ATP11C: variants seen among roughly 807,000 people sequenced by gnomAD.
ATP11C encodes the protein phospholipid-transporting ATPase IG.
Under a neutral mutation model 97.4 loss-of-function variants are expected in ATP11C, and 36 were observed. The ratio of observed to expected loss-of-function variants is 0.37; its 90% CI spans 0.28 to 0.49. The LOEUF is 0.49. ATP11C is among the 20% of genes least tolerant of loss of function. The pLI is 0.98. For synonymous variants in ATP11C, 275 were observed against 290.9 expected (o/e 0.95, Z 0.56); for missense variants, 730 against 824.6 (o/e 0.89, Z 1.40).
chrX:139,855,127 A>C (rs1427399316), intron 1 of ATP11C, among the ~76,000 whole-genome samples: 1 of 111,999 alleles, frequency 8.9e-6, no homozygotes, highest in African/African-American at 3.2e-5. Context: ...GTATAAAAAT[A>C]ATACAGGAAG....
chrX:139,915,414 A>T (rs1256339975), intron 1 of ATP11C, among the ~76,000 whole-genome samples: 1 of 111,911 alleles, frequency 8.9e-6, no homozygotes, highest in Admixed American at 9.5e-5. Flanking sequence ...TCACACCTAT[A>T]ATCTCAGCAC....
rs1365714631 is a variant in ATP11C at position 139,728,115 on chromosome X, A to G, written c.*851T>C. On this transcript the variant is annotated 3_prime_UTR_variant, in exon 30 of 30. Transcript: ENST00000682941. The stretch of plus-strand genomic sequence containing the variant: ...TTTATTTTTATATAACTATGGTTTA[A>G]ACCACCTTACTGCAGATCCCAGTAA... 2 of 112,248 alleles carry G rather than the reference A, an allele frequency of 1.8e-5. No homozygotes were observed. Among genetic ancestry groups the G allele is most frequent in the East Asian group, 5.6e-4 (2 of 3,589 alleles). 9.3% of individuals were successfully genotyped at this position (112,248 alleles called of 1,213,427 possible).
At position 139,796,308 on chromosome X, in the gene ATP11C, C is replaced by T; in HGVS notation, c.1171G>A (p.Val391Ile). 1 of 1,206,981 alleles carries T rather than the reference C, an allele frequency of 8.3e-7. No homozygotes were observed. Among genetic ancestry groups the T allele is most frequent in the South Asian group, 1.8e-5 (1 of 55,794 alleles). ...TCTTCATTAAGGTCTGATGTGTTAA[C>T]CAGGGCTCCTTCATTAATTTCTTCA... The part of the protein sequence containing the change: ...YDEEINEGAL[V>I]NTSDLNEELG... Residue 391 changes from valine to isoleucine, a missense_variant, in exon 12 of 30, where the codon GTT becomes ATT. Coordinates refer to ENST00000682941, the MANE Select transcript of ATP11C (RefSeq NM_001353812.2).
At chrX:139,796,187 TG>T in intron 12 of ATP11C, 85 bp downstream of exon 12, 1 of 682,033 alleles carries the variant, frequency 1.5e-6, no homozygotes, top group Non-Finnish European at 2.0e-6. Context: ...AAATGTGACA[TG>T]GTCACATATA....
intron 10 of ATP11C, 74 bp downstream of exon 10, chrX:139,798,199 C>T (rs2082842444): frequency 2.2e-6 from 2 of 905,731 alleles, no homozygotes; most frequent in Admixed American, 2.9e-5. Context: ...TTTTGTTATG[C>T]TTGTTACTTG....
At chrX:139,916,454 G>T (rs952390615) in intron 1 of ATP11C, among the ~76,000 whole-genome samples, 2 of 111,252 alleles carry the variant, frequency 1.8e-5, no homozygotes, top group East Asian at 5.6e-4. Context: ...ATACTATATA[G>T]AGGAAATCTA....
chrX:139,888,813 T>A (rs1225823506), intron 1 of ATP11C, among the ~76,000 whole-genome samples: 19 of 102,545 alleles, frequency 1.9e-4, no homozygotes, highest in East Asian at 6.0e-4. Context: ...CTGAACACAG[T>A]TTTTTTTTTT....
intron 1 of ATP11C, among the ~76,000 whole-genome samples, chrX:139,866,474 T>C (rs1456472958): frequency 9.2e-6 from 1 of 108,551 alleles, no homozygotes; most frequent in Non-Finnish European, 1.9e-5. Flanking sequence ...TCCCAGCACA[T>C]TGGGAAGCCA....
At chrX:139,924,242 C>T (rs777308281) in intron 1 of ATP11C, 4 of 380,532 alleles carry the variant, frequency 1.1e-5, no homozygotes, top group African/African-American at 2.6e-5. Flanking sequence ...AATTTACCAC[C>T]GGCAGGCTGC....
At chrX:139,733,451 CATTT>C (rs2081385873) in intron 28 of ATP11C, among the ~76,000 whole-genome samples, 1 of 112,070 alleles carries the variant, frequency 8.9e-6, no homozygotes, top group African/African-American at 3.2e-5. Flanking sequence ...GCTAAAGTAA[CATTT>C]GTTTCCAGAA....
chrX:139,851,602 A>G (rs924325928), intron 1 of ATP11C, among the ~76,000 whole-genome samples: 5 of 111,543 alleles, frequency 4.5e-5, no homozygotes, highest in African/African-American at 1.6e-4. Context: ...CCTAGTTTAC[A>G]GCATCAGCCT....
In ATP11C at chrX:139,743,596, A is replaced by G; in HGVS notation, c.2993T>C (p.Ile998Thr). 8.5e-7 allele frequency: 1 copy of G among 1,174,113 alleles called. No homozygotes were observed. Among genetic ancestry groups the G allele is most frequent in the Admixed American group, 2.2e-5 (1 of 44,568 alleles). The change falls in exon 26 of 30, where the codon ATT becomes ACT. Residue 998 changes from isoleucine (I) to threonine (T), a missense_variant. Ile to Thr is a moderately conservative substitution (Grantham distance 89, BLOSUM62 -1). Coordinates refer to ENST00000682941, the MANE Select transcript of ATP11C (RefSeq NM_001353812.2). ...KVYGNWTFGT[I>T]VFTVLVFTVT... Reference sequence around the variant, plus strand: ...AGTGAATACTAAGACTGTAAAAACAATGGTTCCAAAAGTCCAGTTTCCGTA... The same window carrying G: ...AGTGAATACTAAGACTGTAAAAACAGTGGTTCCAAAAGTCCAGTTTCCGTA...
chrX:139,804,316 A>G (rs2082995875), intron 6 of ATP11C, among the ~76,000 whole-genome samples, 155 bp downstream of exon 6: 1 of 111,724 alleles, frequency 9.0e-6, no homozygotes, highest in African/African-American at 3.3e-5. Flanking sequence ...TTTGCTTAGA[A>G]GTTAAAAAAC....
At chrX:139,744,782 C>A (rs2081644651) in intron 25 of ATP11C, among the ~76,000 whole-genome samples, 1 of 111,743 alleles carries the variant, frequency 8.9e-6, no homozygotes, top group Admixed American at 9.5e-5. Context: ...TAAAGCAGAT[C>A]TGTGTTTCCC....
intron 7 of ATP11C, among the ~76,000 whole-genome samples, chrX:139,801,561 A>G (rs2147786374): frequency 8.9e-6 from 1 of 112,082 alleles, no homozygotes; most frequent in South Asian, 3.8e-4. Flanking sequence ...CTGCAACGGT[A>G]GAATAGGATA....
intron 28 of ATP11C, among the ~76,000 whole-genome samples, chrX:139,737,322 T>C (rs1011138827): frequency 8.1e-5 from 9 of 111,343 alleles, no homozygotes; most frequent in African/African-American, 2.9e-4. Context: ...TACAATTTAA[T>C]AGGAAAAATA....
intron 27 of ATP11C, among the ~76,000 whole-genome samples, chrX:139,740,383 C>CTGAT (rs913387506): frequency 9.0e-6 from 1 of 111,656 alleles, no homozygotes; most frequent in African/African-American, 3.3e-5. Context: ...AAGCACAAAA[C>CTGAT]TGATTCTGAA....
intron 1 of ATP11C, among the ~76,000 whole-genome samples, chrX:139,899,792 C>G (rs2084867900): frequency 9.0e-6 from 1 of 111,564 alleles, no homozygotes; most frequent in Non-Finnish European, 1.9e-5. Flanking sequence ...TCCCCAAACT[C>G]TGCTTCTAAC....
intron 1 of ATP11C, among the ~76,000 whole-genome samples, chrX:139,871,325 C>T (rs1427824954): frequency 7.5e-5 from 8 of 106,163 alleles, no homozygotes; most frequent in Non-Finnish European, 1.4e-4. Flanking sequence ...TCTCATGCCT[C>T]AGCTCCCGAG....
Sources: allele counts gnomAD v4.1 joint callset (sites outside exome capture counted in the v4.1 genomes callset), GRCh38; gene constraint gnomAD v4.1.1; transcripts MANE v1.5; gene names NCBI Gene and HGNC (gene_info 2026-07-23, HGNC 2026-07-21).